The following TSPAN18 variants were observed in gnomAD, a reference collection of about 807,000 sequenced individuals.
TSPAN18 encodes tetraspanin-18.
In TSPAN18, 14 loss-of-function variants were observed where a neutral mutation model predicts 27.3. The observed-to-expected ratio is 0.51, with a 90% CI of 0.34 to 0.80. The LOEUF (loss-of-function observed/expected upper bound fraction) is 0.80, where lower values mean the gene tolerates loss of function less well. TSPAN18 is among the 30% of genes least tolerant of loss of function. The pLI is 0.01. For synonymous variants in TSPAN18, 143 were observed against 136.5 expected (o/e 1.05, Z -0.33); for missense variants, 268 against 323.9 (o/e 0.83, Z 1.32).
intron 1 of TSPAN18, among the ~76,000 whole-genome samples, chr11:44,729,074 G>A (rs572429075): frequency 1.8e-4 from 28 of 152,198 alleles, no homozygotes; most frequent in Admixed American, 5.9e-4. Context: ...GTTCAATGTA[G>A]TCTGCCACAT....
At chr11:44,793,802 C>T (rs1172550140) in intron 2 of TSPAN18, among the ~76,000 whole-genome samples, 1 of 152,220 alleles carries the variant, frequency 6.6e-6, no homozygotes, top group Non-Finnish European at 1.5e-5. Flanking sequence ...CTTCCCCAGC[C>T]ATTTGACAAC....
At chr11:44,884,748 A>G (rs1180306449) in intron 3 of TSPAN18, among the ~76,000 whole-genome samples, 6 of 152,166 alleles carry the variant, frequency 3.9e-5, no homozygotes, top group Admixed American at 3.9e-4. Flanking sequence ...GCTCCAGATG[A>G]GGCTGCTGAG....
chr11:44,831,975 A>C (rs1386098448), intron 2 of TSPAN18, among the ~76,000 whole-genome samples: 3 of 152,190 alleles, frequency 2.0e-5, no homozygotes, highest in Non-Finnish European at 4.4e-5. Flanking sequence ...CCTGAAATGC[A>C]GCAGCTCAGA....
chr11:44,884,962 TG>T (rs1230699480), intron 3 of TSPAN18, among the ~76,000 whole-genome samples: 3 of 152,226 alleles, frequency 2.0e-5, no homozygotes, highest in African/African-American at 7.2e-5. Flanking sequence ...CTATAACCTG[TG>T]GGCCAGATCC....
In TSPAN18 at chr11:44,909,857, C is replaced by G. The variant is rs1054257222; in HGVS notation, c.216C>G (p.Gly72=). The change falls in exon 5 of 10, where the codon GGC becomes GGG. Residue 72 remains glycine, a synonymous_variant. Transcript: ENST00000520358. ...TGCTCTTTCTGCTCGGCTTCCTGGG[C>G]TGCTGCGGGGCCGTCCGTGAGAACA... ...GGLLFLLGFL[G]CCGAVRENKC... The G allele has an allele frequency of 6.2e-7, 1 of 1,613,996 alleles. No homozygotes were observed.
intron 2 of TSPAN18, among the ~76,000 whole-genome samples, chr11:44,823,710 G>A (rs766692383): frequency 1.3e-5 from 2 of 152,086 alleles, no homozygotes; most frequent in African/African-American, 2.4e-5. Flanking sequence ...AGGTTTCACC[G>A]GGGACCTGCC....
intron 2 of TSPAN18, among the ~76,000 whole-genome samples, chr11:44,813,723 T>C (rs1856766655): frequency 6.6e-6 from 1 of 152,128 alleles, no homozygotes; most frequent in African/African-American, 2.4e-5. Flanking sequence ...AAAATACACT[T>C]CAGAGGCTGT....
At chr11:44,799,956 G>A (rs149592335) in intron 2 of TSPAN18, among the ~76,000 whole-genome samples, 4,540 of 151,144 alleles carry the variant, frequency 0.03, 271 homozygotes, top group African/African-American at 0.1. Context: ...TCAGCCTCCC[G>A]AGTAGCTGTG....
chr11:44,775,709 T>G (rs904859027), intron 2 of TSPAN18, among the ~76,000 whole-genome samples: 1 of 152,220 alleles, frequency 6.6e-6, no homozygotes, highest in Admixed American at 6.5e-5. Flanking sequence ...CTTGCCACGC[T>G]GGAGGGAGCA....
chr11:44,904,317 G>GCATT (rs1859377134), intron 3 of TSPAN18, among the ~76,000 whole-genome samples: 1 of 152,244 alleles, frequency 6.6e-6, no homozygotes, highest in Non-Finnish European at 1.5e-5. Context: ...AGTTGCAATA[G>GCATT]GGACCAGTAG....
intron 2 of TSPAN18, among the ~76,000 whole-genome samples, chr11:44,778,013 A>G (rs1177962169): frequency 1.3e-5 from 2 of 152,134 alleles, no homozygotes; most frequent in African/African-American, 4.8e-5. Context: ...GGTAGAGCAC[A>G]GGAGAACCCT....
chr11:44,840,967 A>G (rs1857360560), intron 2 of TSPAN18, among the ~76,000 whole-genome samples: 1 of 152,186 alleles, frequency 6.6e-6, no homozygotes, highest in African/African-American at 2.4e-5. Context: ...AGAGCCTGGT[A>G]TCATCACAGT....
At chr11:44,894,337 G>A (rs1055412650) in intron 3 of TSPAN18, among the ~76,000 whole-genome samples, 7 of 152,178 alleles carry the variant, frequency 4.6e-5, no homozygotes, top group African/African-American at 7.2e-5. Flanking sequence ...TGGCCACAGC[G>A]CCCTCTCCTG....
chr11:44,878,784 T>A (rs562345316), intron 3 of TSPAN18, among the ~76,000 whole-genome samples: 7 of 152,344 alleles, frequency 4.6e-5, no homozygotes, highest in East Asian at 1.9e-4. Flanking sequence ...TATAGTCAAA[T>A]GTGCTCTCCC....
chr11:44,929,240 C>T lies in TSPAN18; in HGVS notation c.*62C>T. 1.2e-6 allele frequency: 2 copies of T among 1,603,298 alleles called. No homozygotes were observed. Among genetic ancestry groups the T allele is most frequent in the Non-Finnish European group, 1.7e-6 (2 of 1,172,646 alleles). On this transcript the variant is annotated 3_prime_UTR_variant, in exon 10 of 10. Coordinates refer to ENST00000520358, the MANE Select transcript of TSPAN18 (RefSeq NM_130783.5). ...ACCACTGCCCAGCACCCAGTGTCCTCCCGTGCCCCTCCCCGCTGTCCTCTT... is the reference window on the plus strand; with the variant it reads ...ACCACTGCCCAGCACCCAGTGTCCTTCCGTGCCCCTCCCCGCTGTCCTCTT...
chr11:44,883,061 G>A (rs762196371), intron 3 of TSPAN18, among the ~76,000 whole-genome samples: 2 of 152,178 alleles, frequency 1.3e-5, no homozygotes, highest in Non-Finnish European at 2.9e-5. Context: ...GCCAAGCTCA[G>A]GCACTGGGCA....
At chr11:44,736,012 T>C (rs1023502938) in intron 1 of TSPAN18, among the ~76,000 whole-genome samples, 2 of 152,158 alleles carry the variant, frequency 1.3e-5, no homozygotes, top group African/African-American at 4.8e-5. Flanking sequence ...GATCAACCCA[T>C]AGAGGTGGTA....
rs77508776 is a variant in TSPAN18, at chr11:44,871,401, C to T, written c.-11+10932C>T. 6.7e-3 allele frequency among the ~76,000 whole-genome samples: 1,017 copies of T among 152,182 alleles called. 17 individuals are homozygous for T. The highest frequency in any genetic ancestry group is 0.021 in the African/African-American group (866 of 41,518). ...GGGCTCCATCCTCATGACCTAATTACCTCACACCTCCAAATACCATCACAT... is the reference window on the plus strand; with the variant it reads ...GGGCTCCATCCTCATGACCTAATTATCTCACACCTCCAAATACCATCACAT... On this transcript the variant is annotated intron_variant, in intron 3 of 9. Transcript: ENST00000520358.
intron 3 of TSPAN18, among the ~76,000 whole-genome samples, chr11:44,879,933 C>G (rs1406807114): frequency 1.3e-5 from 2 of 152,226 alleles, no homozygotes; most frequent in African/African-American, 4.8e-5. Flanking sequence ...CCACTGTAGG[C>G]AAGAGATGGC....
Sources: allele counts gnomAD v4.1 joint callset (sites outside exome capture counted in the v4.1 genomes callset), GRCh38; gene constraint gnomAD v4.1.1; transcripts MANE v1.5; gene names NCBI Gene and HGNC (gene_info 2026-07-23, HGNC 2026-07-21).